The following ME1 variants were observed in gnomAD, a reference collection of about 807,000 sequenced individuals.
ME1 encodes malic enzyme 1, also known as NADP-dependent malic enzyme.
Under a neutral mutation model 66.4 loss-of-function variants are expected in ME1, and 74 were observed. The observed-to-expected ratio is 1.11, with a 90% CI of 0.92 to 1.35. The LOEUF (loss-of-function observed/expected upper bound fraction) is 1.35. Among genes scored for constraint, ME1 ranks in the 40% most tolerant of loss-of-function variants. ME1 has a pLI of 0.00. For missense variants in ME1, 750 were observed against 694.1 expected (o/e 1.08, Z -0.90); for synonymous variants, 251 against 235.6 (o/e 1.07, Z -0.60).
At chr6:83,399,112 A>T (rs1308751375) in intron 2 of ME1, among the ~76,000 whole-genome samples, 1 of 151,942 alleles carries the variant, frequency 6.6e-6, no homozygotes, top group Non-Finnish European at 1.5e-5. Flanking sequence ...CTCCTGCCTC[A>T]GCCTCCCAAG....
At chr6:83,304,368 C>T (rs969180579) in intron 6 of ME1, among the ~76,000 whole-genome samples, 4 of 152,176 alleles carry the variant, frequency 2.6e-5, no homozygotes, top group African/African-American at 7.2e-5. Flanking sequence ...TAAGAAATGT[C>T]ATTCTATGAC....
intron 5 of ME1, among the ~76,000 whole-genome samples, chr6:83,340,478 C>T (rs1175256327): frequency 6.6e-6 from 1 of 152,148 alleles, no homozygotes; most frequent in Non-Finnish European, 1.5e-5. Context: ...GCTTCTACAT[C>T]TATGTTCACG....
At chr6:83,389,217 T>C (rs985419760) in intron 3 of ME1, among the ~76,000 whole-genome samples, 2 of 152,208 alleles carry the variant, frequency 1.3e-5, no homozygotes, top group African/African-American at 4.8e-5. Context: ...AATTTGCCTG[T>C]TAGCATAATA....
At chr6:83,380,872 AC>A (rs1315973286) in intron 3 of ME1, among the ~76,000 whole-genome samples, 5 of 152,130 alleles carry the variant, frequency 3.3e-5, no homozygotes, top group Non-Finnish European at 7.4e-5. Context: ...CCAGAATAAA[AC>A]CTTGGCAAGA....
chr6:83,411,847 GTCTTT>G (rs1182377737), intron 1 of ME1, among the ~76,000 whole-genome samples: 1 of 151,842 alleles, frequency 6.6e-6, no homozygotes, highest in Non-Finnish European at 1.5e-5. Context: ...CTCCTTTTTT[GTCTTT>G]TCTTTGCTTT....
chr6:83,236,280 T>A (rs1265398946), intron 9 of ME1, among the ~76,000 whole-genome samples: 1 of 152,164 alleles, frequency 6.6e-6, no homozygotes, highest in Non-Finnish European at 1.5e-5. Context: ...TGCAATAATA[T>A]CCTCATACAT....
intron 6 of ME1, among the ~76,000 whole-genome samples, chr6:83,306,080 A>T (rs1767818102): frequency 1.3e-5 from 2 of 152,126 alleles, no homozygotes; most frequent in African/African-American, 4.8e-5. Flanking sequence ...AGATATTGCT[A>T]TTGATAGTGT....
intron 5 of ME1, among the ~76,000 whole-genome samples, chr6:83,329,503 A>T (rs954959539): frequency 3.3e-5 from 5 of 152,172 alleles, no homozygotes; most frequent in Non-Finnish European, 7.4e-5. Context: ...ATTTTGTTGC[A>T]GTCTCAAATA....
chr6:83,319,342 AAGAT>A (rs1196286500), intron 5 of ME1, among the ~76,000 whole-genome samples: 1 of 151,702 alleles, frequency 6.6e-6, no homozygotes, highest in Non-Finnish European at 1.5e-5. Flanking sequence ...AAAAAATAAA[AAGAT>A]AGGAAAAAAA....
chr6:83,260,928 G>T (rs529824647), intron 6 of ME1, among the ~76,000 whole-genome samples: 30 of 152,224 alleles, frequency 2.0e-4, no homozygotes, highest in Admixed American at 5.9e-4. Context: ...AAAAATGTGT[G>T]CATGCATCTT....
chr6:83,324,372 C>T (rs1392271487), intron 5 of ME1, among the ~76,000 whole-genome samples: 1 of 151,324 alleles, frequency 6.6e-6, no homozygotes, highest in African/African-American at 2.4e-5. Flanking sequence ...ACATGAAAAA[C>T]CCTTAAAAAA....
chr6:83,400,349 C>T (rs1259412185), intron 2 of ME1, among the ~76,000 whole-genome samples: 2 of 152,104 alleles, frequency 1.3e-5, no homozygotes, highest in African/African-American at 4.8e-5. Flanking sequence ...TGTAAGCTTC[C>T]TGAGGCCCTC....
intron 7 of ME1, among the ~76,000 whole-genome samples, chr6:83,246,435 T>C (rs1476688640): frequency 1.3e-5 from 2 of 152,144 alleles, no homozygotes; most frequent in Admixed American, 6.6e-5. Flanking sequence ...CTCATACTGA[T>C]ATGTGTATAT....
At chr6:83,215,341 G>A (rs1209245878) in intron 13 of ME1, among the ~76,000 whole-genome samples, 1 of 152,170 alleles carries the variant, frequency 6.6e-6, no homozygotes, top group Admixed American at 6.5e-5. Flanking sequence ...GACATCTAGT[G>A]GGCAGAGGCC....
At chr6:83,414,845 A>G (rs1770128732) in intron 1 of ME1, among the ~76,000 whole-genome samples, 2 of 152,226 alleles carry the variant, frequency 1.3e-5, no homozygotes, top group Non-Finnish European at 2.9e-5. Context: ...AAGATGGAGC[A>G]CTATTTTATC....
intron 1 of ME1, among the ~76,000 whole-genome samples, chr6:83,417,226 T>C (rs1024493085): frequency 1.3e-5 from 2 of 152,156 alleles, no homozygotes; most frequent in Non-Finnish European, 2.9e-5. Flanking sequence ...AAAAATTTTT[T>C]TTTGAGACAG....
At chr6:83,274,212 G>A (rs561107207) in intron 6 of ME1, among the ~76,000 whole-genome samples, 4 of 152,190 alleles carry the variant, frequency 2.6e-5, no homozygotes, top group African/African-American at 7.2e-5. Context: ...CATGCCCATG[G>A]TTAAATTAAA....
chr6:83,248,249 T>C (rs1446437729), intron 7 of ME1, among the ~76,000 whole-genome samples: 4 of 152,228 alleles, frequency 2.6e-5, no homozygotes, highest in Non-Finnish European at 5.9e-5. Context: ...TAGAAATTAT[T>C]TAATACTGGT....
At chr6:83,308,251 AT>A (rs1176100960) in intron 6 of ME1, among the ~76,000 whole-genome samples, 1 of 152,220 alleles carries the variant, frequency 6.6e-6, no homozygotes, top group Non-Finnish European at 1.5e-5. Context: ...AATTTTTGTC[AT>A]TTAAAATAAA....
Sources: gnomAD v4.1 joint callset for allele counts (sites outside exome capture counted in the v4.1 genomes callset) on GRCh38, gnomAD v4.1.1 for gene constraint, MANE v1.5 for transcripts, NCBI Gene and HGNC (gene_info 2026-07-23, HGNC 2026-07-21) for gene names.